NALCN: variants seen among roughly 807,000 people sequenced by gnomAD.
NALCN encodes the protein sodium leak channel NALCN.
In NALCN, 111 loss-of-function variants were observed where a neutral mutation model predicts 225.3. The observed-to-expected ratio is 0.49, with a 90% CI of 0.42 to 0.58. NALCN has a LOEUF of 0.58. NALCN is among the 20% of genes least tolerant of loss of function. The pLI is 0.00. For synonymous variants in NALCN, 764 were observed against 769.0 expected, an observed-to-expected ratio of 0.99 and a Z score of 0.11; for missense variants, 1,378 against 2,202.4, an observed-to-expected ratio of 0.63 and a Z score of 7.49.
At chr13:101,167,043 G>A (rs1005778551) in intron 15 of NALCN, among the ~76,000 whole-genome samples, 2 of 152,102 alleles carry the variant, frequency 1.3e-5, no homozygotes, top group African/African-American at 2.4e-5. Context: ...GGGTTTACTT[G>A]TGGCCTCTCT....
At position 101,059,914 on chromosome 13, in the gene NALCN, T is replaced by G. The variant is rs200569383; in HGVS notation, c.4809A>C (p.Gln1603His). The change falls in exon 42 of 44, where the codon CAA (glutamine) becomes CAC (histidine). Residue 1603 changes from glutamine to histidine, a missense_variant. This residue lies in a region of NALCN where 94 missense variants were observed against 170.3 expected (regional missense o/e 0.55). Transcript: ENST00000251127. ...IIHSLRESQQQELSRFLNPPS... is the reference protein window; with the variant it reads ...IIHSLRESQQHELSRFLNPPS... ...GCGGGTTCAGAAACCGGCTCAGCTC[T>G]TGCTGCTGACTCTCTCTCAGGCTGT... is the stretch of plus-strand genomic sequence containing the variant. 1 of 1,614,120 alleles carries G rather than the reference T, an allele frequency of 6.2e-7. No individual in the cohort carries two copies. Among genetic ancestry groups the G allele is most frequent in the African/African-American group, 1.3e-5 (1 of 75,032 alleles).
chr13:101,369,166 ATGTGTGTG>A (rs56739782), intron 6 of NALCN, among the ~76,000 whole-genome samples: 24 of 146,338 alleles, frequency 1.6e-4, no homozygotes, highest in Admixed American at 1.5e-3. Context: ...GACAAAATAA[ATGTGTGTG>A]TGTGTGTGTG....
chr13:101,371,718 T>A (rs2139402487), intron 6 of NALCN, among the ~76,000 whole-genome samples: 1 of 152,230 alleles, frequency 6.6e-6, no homozygotes, highest in Admixed American at 6.5e-5. Context: ...ACATACAAAA[T>A]CTCCAAGGTT....
chr13:101,318,112 C>T (rs1490222154), intron 7 of NALCN, among the ~76,000 whole-genome samples: 3 of 152,186 alleles, frequency 2.0e-5, no homozygotes, highest in Non-Finnish European at 2.9e-5. Flanking sequence ...TGTCACTTCA[C>T]CAGCCGGAAA....
intron 13 of NALCN, among the ~76,000 whole-genome samples, chr13:101,212,621 A>C (rs1178986567): frequency 3.3e-5 from 5 of 152,200 alleles, no homozygotes; most frequent in South Asian, 2.1e-4. Context: ...AAATGGGTAT[A>C]TCAGATATTT....
chr13:101,339,693 AG>A (rs2045494360), intron 7 of NALCN, among the ~76,000 whole-genome samples: 1 of 152,174 alleles, frequency 6.6e-6, no homozygotes, highest in Non-Finnish European at 1.5e-5. Flanking sequence ...GCTCCAATCC[AG>A]GGGTCACAGA....
chr13:101,185,055 T>G lies in NALCN; in HGVS notation c.1764+6862A>C, dbSNP rs973482031. On this transcript the variant is annotated intron_variant, in intron 14 of 43. Transcript: ENST00000251127. ...CAGCAGGAATCAATGTCCCACACTC[T>G]TGTGTTTTTCTTTTCCTGTTTACCA... Among the ~76,000 whole-genome samples, 6 of 152,188 alleles carry G rather than the reference T, an allele frequency of 3.9e-5. No individual in the cohort carries two copies. In the South Asian group the frequency reaches 1.2e-3, roughly 31 times the overall value.
chr13:101,308,767 C>T lies in NALCN; in HGVS notation c.800-16401G>A, dbSNP rs1264276803. ...ACACAAGTATATGAAGCAGATTGGA[C>T]GGTTCAGGGAAACAAAACAAGGCAA... On this transcript the variant is annotated intron_variant, in intron 7 of 43. Coordinates refer to ENST00000251127, the MANE Select transcript of NALCN (RefSeq NM_052867.4). Among the ~76,000 whole-genome samples the T allele has an allele frequency of 4.6e-5, 7 of 152,238 alleles. No homozygotes were observed. The East Asian group carries it at 9.7e-4, about 21-fold the overall frequency.
intron 10 of NALCN, among the ~76,000 whole-genome samples, chr13:101,265,120 T>C: frequency 6.6e-6 from 1 of 152,168 alleles, no homozygotes; most frequent in East Asian, 1.9e-4. Context: ...AGTCACTGAA[T>C]TTGTGGTTAT....
rs17581591 is a variant in NALCN, at chr13:101,083,004, C to T, written c.3690+88G>A. 0.018 allele frequency: 27,962 copies of T among 1,539,934 alleles called. 326 individuals are homozygous for T. Among genetic ancestry groups the T allele is most frequent in the South Asian group, 0.025 (2,239 of 88,732 alleles). On this transcript the variant is annotated intron_variant, in intron 32 of 43. Coordinates refer to ENST00000251127, the MANE Select transcript of NALCN (RefSeq NM_052867.4). ...TAATTTTTACACCCAAGAACATAAC[C>T]GTGAATGCATATAGCAGCTTGTGAT...
intron 6 of NALCN, among the ~76,000 whole-genome samples, chr13:101,353,528 T>A (rs945015044): frequency 6.6e-6 from 1 of 152,244 alleles, no homozygotes; most frequent in African/African-American, 2.4e-5. Context: ...TTTGCAGAGA[T>A]AAATTATTTA....
At chr13:101,269,211 C>CATATATATATATATATATATATATATAT (rs60240326) in intron 10 of NALCN, among the ~76,000 whole-genome samples, 11 of 145,550 alleles carry the variant, frequency 7.6e-5, no homozygotes, top group South Asian at 6.8e-4. Flanking sequence ...AGAAAAAGCT[C>CATATATATATATATATATATATATATAT]ATATATATAT....
chr13:101,261,168 A>G (rs1401694297), intron 10 of NALCN, among the ~76,000 whole-genome samples: 1 of 152,136 alleles, frequency 6.6e-6, no homozygotes, highest in Non-Finnish European at 1.5e-5. Flanking sequence ...AAATGAGTTC[A>G]CTGTAGGTGT....
chr13:101,256,811 T>C (rs1277407286), intron 11 of NALCN, among the ~76,000 whole-genome samples: 1 of 148,440 alleles, frequency 6.7e-6, no homozygotes, highest in African/African-American at 2.5e-5. Flanking sequence ...TCACCCTGGC[T>C]GGAATTCAGT....
intron 10 of NALCN, among the ~76,000 whole-genome samples, chr13:101,283,464 C>A (rs190026326): frequency 3.9e-5 from 6 of 152,248 alleles, no homozygotes; most frequent in Non-Finnish European, 8.8e-5. Flanking sequence ...GCCCCACCTG[C>A]AATCCTTATG....
At chr13:101,139,221 C>G (rs2036947490) in intron 17 of NALCN, among the ~76,000 whole-genome samples, 1 of 152,188 alleles carries the variant, frequency 6.6e-6, no homozygotes, top group Admixed American at 6.5e-5. Flanking sequence ...ATGGGAATTA[C>G]TCATCCCTGT....
At chr13:101,210,274 A>G (rs1230076743) in intron 13 of NALCN, among the ~76,000 whole-genome samples, 3 of 152,144 alleles carry the variant, frequency 2.0e-5, no homozygotes, top group African/African-American at 7.2e-5. Flanking sequence ...CCTGGAAATT[A>G]AGATTTCAAC....
At chr13:101,076,026 T>C in intron 34 of NALCN, 85 bp from the exon 35 acceptor site, 1 of 1,081,588 alleles carries the variant, frequency 9.2e-7, no homozygotes, top group Non-Finnish European at 1.3e-6. Context: ...CTGTGAAGTA[T>C]ACTGAATAAT....
intron 6 of NALCN, among the ~76,000 whole-genome samples, chr13:101,347,028 T>C (rs1249542649): frequency 1.3e-5 from 2 of 152,016 alleles, no homozygotes; most frequent in African/African-American, 4.8e-5. Context: ...CTTCTTATGT[T>C]CAGTTGCTGC....
Sources: gnomAD v4.1 joint callset for allele counts (sites outside exome capture counted in the v4.1 genomes callset) on GRCh38, gnomAD v4.1.1 for gene constraint, gnomAD v4.1.1 regional missense constraint, MANE v1.5 for transcripts, NCBI Gene and HGNC (gene_info 2026-07-23, HGNC 2026-07-21) for gene names.